RGPD3: variants seen among roughly 807,000 people sequenced by gnomAD.
RGPD3 encodes the protein RANBP2 like and GRIP domain containing 3.
Under a neutral mutation model 154.5 loss-of-function variants are expected in RGPD3, and 62 were observed. The ratio of observed to expected loss-of-function variants is 0.40; its 90% confidence interval spans 0.33 to 0.50. The LOEUF is 0.50. Among genes scored for constraint, RGPD3 ranks in the 20% least tolerant of loss-of-function variants. RGPD3 has a pLI of 0.59. For missense variants in RGPD3, 919 were observed against 1,716.8 expected (o/e 0.54, Z 8.21); for synonymous variants, 308 against 607.0 (o/e 0.51, Z 7.24).
rs1676426834 is a variant in RGPD3, at chr2:106,403,661, A to G, written c.*1558T>C. On this transcript the variant is annotated 3_prime_UTR_variant, in exon 23 of 23. Transcript: ENST00000409886. The stretch of plus-strand genomic sequence containing the variant: ...ATGCAGCTGGCATACTCATATTCAC[A>G]GTTTATAAAGTAAAAAAACTAAACT... 6.6e-6 allele frequency among the ~76,000 whole-genome samples: 1 copy of G among 152,288 alleles called. No individual in the cohort carries two copies. The highest frequency in any genetic ancestry group is 2.1e-4 in the South Asian group (1 of 4,834).
chr2:106,457,228 C>G, intron 3 of RGPD3, 105 bp from the exon 4 acceptor site: 1 of 1,485,252 alleles, frequency 6.7e-7, no homozygotes, highest in Non-Finnish European at 8.9e-7. Flanking sequence ...ATTATCACTC[C>G]AACCCTTAAA....
chr2:106,466,918 C>T (rs1422859405), intron 1 of RGPD3, among the ~76,000 whole-genome samples: 2 of 111,738 alleles, frequency 1.8e-5, no homozygotes, highest in African/African-American at 3.0e-5. Flanking sequence ...CCACAGAGCG[C>T]GCCAGGGAGC....
intron 21 of RGPD3, among the ~76,000 whole-genome samples, 153 bp downstream of exon 21, chr2:106,415,697 A>AAAAAT (rs1491421236): frequency 7.4e-6 from 1 of 134,572 alleles, no homozygotes; most frequent in African/African-American, 3.1e-5. Flanking sequence ...AAAAAAAAAA[A>AAAAAT]GGCAATATTT....
intron 20 of RGPD3, among the ~76,000 whole-genome samples, chr2:106,420,487 G>T (rs1334812328): frequency 1.3e-5 from 2 of 152,076 alleles, no homozygotes; most frequent in Non-Finnish European, 1.5e-5. Context: ...CATTCTGAGA[G>T]CTATGGTGTC....
At chr2:106,463,257 A>G (rs570841074) in intron 1 of RGPD3, among the ~76,000 whole-genome samples, 1 of 150,924 alleles carries the variant, frequency 6.6e-6, no homozygotes, top group Non-Finnish European at 1.5e-5. Context: ...CATTTTAAAG[A>G]CATACCATTA....
At chr2:106,448,492 GC>G (rs1678003313) in intron 6 of RGPD3, among the ~76,000 whole-genome samples, 1 of 150,036 alleles carries the variant, frequency 6.7e-6, no homozygotes, top group South Asian at 2.2e-4. Context: ...AAAAGTAAAA[GC>G]AAAAAGCAAA....
rs1052086537 is a variant in RGPD3 at position 106,413,378 on chromosome 2, A to C, written c.5065-93T>G. 2.0e-6 allele frequency: 3 copies of C among 1,473,866 alleles called. No individual in the cohort carries two copies. The African/African-American group carries it at 4.3e-5, about 21-fold the overall frequency. The allele number at this position is 1,473,866 out of a possible 1,614,324, so 91.3% of individuals were successfully genotyped here. On this transcript the variant is annotated intron_variant, in intron 21 of 22. Coordinates refer to ENST00000409886, the MANE Select transcript of RGPD3 (RefSeq NM_001144013.2). ...CATGTATTTTTCTTCTCTTCCCCCCAAATTTCCCCCTTCCCTCCATATGGC... is the reference window on the plus strand; with the variant it reads ...CATGTATTTTTCTTCTCTTCCCCCCCAATTTCCCCCTTCCCTCCATATGGC...
intron 20 of RGPD3, among the ~76,000 whole-genome samples, chr2:106,417,877 C>A (rs2104449728): frequency 6.6e-6 from 1 of 150,818 alleles, no homozygotes; most frequent in African/African-American, 2.5e-5. Context: ...AATCTGTAAT[C>A]CTAGCAGTTT....
rs373124653 is a variant in RGPD3 at position 106,468,268 on chromosome 2, G to A, written c.21C>T (p.Tyr7=). 351 of 1,607,238 alleles carry A rather than the reference G, an allele frequency of 2.2e-4. 1 individual carries two copies. Among genetic ancestry groups the A allele is most frequent in the African/African-American group, 1.9e-4 (14 of 74,764 alleles). The change falls in exon 1 of 23, where the codon TAC becomes TAT. Residue 7 remains tyrosine (Y), a synonymous_variant. Transcript: ENST00000409886. The part of the protein sequence containing the change: MSCSKA[Y]GERYVASVQG... Reference sequence around the variant, plus strand: ...GCACCGAGGCGACGTACCGCTCCCCGTAGGCCTTGCTGCAACTCATCGCGC... The same window carrying A: ...GCACCGAGGCGACGTACCGCTCCCCATAGGCCTTGCTGCAACTCATCGCGC...
chr2:106,468,066 G>C lies in RGPD3; in HGVS notation c.72+151C>G, dbSNP rs1465812449. Reference sequence around the variant, plus strand: ...CCTGAGCCATCGAGGCCGCCGCAGGGCCAGGTCGAGGCCGCCGCCTCCACA... The same window carrying C: ...CCTGAGCCATCGAGGCCGCCGCAGGCCCAGGTCGAGGCCGCCGCCTCCACA... On this transcript the variant is annotated intron_variant, in intron 1 of 22. Transcript: ENST00000409886. The C allele has an allele frequency of 1.0e-4, 104 of 997,662 alleles. 3 individuals carry two copies. The African/African-American group carries it at 1.7e-3, about 16-fold the overall frequency. 61.8% of individuals were successfully genotyped at this position (997,662 alleles called of 1,614,324 possible). A position where few individuals can be genotyped will look rare whatever the true frequency, so the allele number is the denominator to read the frequency against.
chr2:106,420,172 A>G (rs1213621056), intron 20 of RGPD3, among the ~76,000 whole-genome samples: 502 of 142,204 alleles, frequency 3.5e-3, no homozygotes, highest in African/African-American at 0.013. Context: ...ACAATTGCCA[A>G]GAATGGAAGG....
In RGPD3 at chr2:106,415,809, A is replaced by T. The variant is rs372727256; in HGVS notation, c.5064+41T>A. ...ATGTGTATGGAGGGTCCAGAAAACC[A>T]AACTGGCAGTTTTTATGGTGGCCAG... On this transcript the variant is annotated intron_variant, in intron 21 of 22. Transcript: ENST00000409886. The T allele has an allele frequency of 2.5e-5, 41 of 1,611,616 alleles. 1 individual carries two copies. The highest frequency in any genetic ancestry group is 1.3e-4 in the East Asian group (6 of 44,854).
upstream of RGPD3, chr2:106,468,414 G>A (rs1175220908): frequency 2.0e-6 from 3 of 1,518,152 alleles, no homozygotes; most frequent in Non-Finnish European, 2.7e-6. Context: ...GGACCACTGT[G>A]ACGAACTTGT....
intron 9 of RGPD3, among the ~76,000 whole-genome samples, chr2:106,437,858 A>G (rs1677613242): frequency 6.6e-6 from 1 of 152,174 alleles, no homozygotes; most frequent in Non-Finnish European, 1.5e-5. Flanking sequence ...GAATTCATGA[A>G]GGAAGCAAGA....
intron 21 of RGPD3, among the ~76,000 whole-genome samples, chr2:106,414,055 C>T (rs939740914): frequency 1.1e-4 from 17 of 151,910 alleles, no homozygotes; most frequent in African/African-American, 4.1e-4. Context: ...GTGAACGGCA[C>T]TTAATCAAAA....
At chr2:106,432,661 T>C (rs1402448144) in intron 17 of RGPD3, among the ~76,000 whole-genome samples, 1 of 101,868 alleles carries the variant, frequency 9.8e-6, no homozygotes, top group African/African-American at 3.7e-5. Flanking sequence ...TGTGACTGTC[T>C]GTAGTCCTGG....
chr2:106,442,361 TA>T, intron 7 of RGPD3, among the ~76,000 whole-genome samples: 1 of 102,094 alleles, frequency 9.8e-6, no homozygotes, highest in Non-Finnish European at 1.9e-5. Context: ...CACCCTACTT[TA>T]AAAAGTACAG....
intron 22 of RGPD3, among the ~76,000 whole-genome samples, chr2:106,409,647 A>T (rs1213016817): frequency 1.3e-5 from 2 of 151,496 alleles, no homozygotes; most frequent in Non-Finnish European, 2.9e-5. Context: ...TTTTTTTAAT[A>T]CTGCTTGAGA....
At chr2:106,416,043 G>C (rs1676819032) in intron 20 of RGPD3, 54 bp from the exon 21 acceptor site, 1 of 1,588,810 alleles carries the variant, frequency 6.3e-7, no homozygotes, top group Non-Finnish European at 8.5e-7. Context: ...TACAGATGAA[G>C]ATTCTAAATA....
Sources: gnomAD v4.1 joint callset for allele counts (sites outside exome capture counted in the v4.1 genomes callset) on GRCh38, gnomAD v4.1.1 for gene constraint, MANE v1.5 for transcripts, NCBI Gene and HGNC (gene_info 2026-07-23, HGNC 2026-07-21) for gene names.